The following PCDHGA5 variants were observed in gnomAD, a reference collection of about 807,000 sequenced individuals.
PCDHGA5 encodes protocadherin gamma subfamily A, 5, also known as protocadherin gamma-A5.
In PCDHGA5, 36 loss-of-function variants were observed where a neutral mutation model predicts 56.7. The observed-to-expected ratio is 0.64, with a 90% confidence interval of 0.49 to 0.84. The LOEUF (loss-of-function observed/expected upper bound fraction) is 0.84, where lower values mean the gene tolerates loss of function less well. Ranked by LOEUF, PCDHGA5 falls within the 40% of genes least tolerant of loss-of-function variation. The pLI is 0.00. For missense variants in PCDHGA5, 1,305 were observed against 1,201.5 expected (o/e 1.09, Z -1.27); for synonymous variants, 563 against 520.2 (o/e 1.08, Z -1.12).
intron 1 of PCDHGA5, chr5:141,400,435 A>G (rs2094019562): frequency 6.2e-7 from 1 of 1,614,078 alleles, no homozygotes. Flanking sequence ...TGAGCAATTG[A>G]GTTCAGGACA....
chr5:141,364,757 A>G lies in PCDHGA5; in HGVS notation c.427A>G (p.Asn143Asp). The change falls in exon 1 of 4, where the codon AAT (asparagine) becomes GAT (aspartate). Residue 143 changes from asparagine to aspartate, a missense_variant. Transcript: ENST00000518069. Reference protein sequence around the residue: ...FRDEELKVKVNENAAAGTRLV... With the variant: ...FRDEELKVKVDENAAAGTRLV... The stretch of plus-strand genomic sequence containing the variant: ...GGATGAAGAGTTAAAAGTAAAAGTT[A>G]ATGAAAATGCGGCTGCAGGGACACG... 4 of 1,613,960 alleles carry G rather than the reference A, an allele frequency of 2.5e-6. No individual in the cohort carries two copies. The highest frequency in any genetic ancestry group is 3.4e-6 in the Non-Finnish European group (4 of 1,179,874).
chr5:141,387,779 G>T, intron 1 of PCDHGA5: 1 of 1,458,032 alleles, frequency 6.9e-7, no homozygotes, highest in Admixed American at 2.6e-5. Flanking sequence ...TTCTTGAACT[G>T]GAACTGCAAC....
chr5:141,459,574 T>G (rs1163443021), intron 1 of PCDHGA5, among the ~76,000 whole-genome samples: 6 of 152,226 alleles, frequency 3.9e-5, no homozygotes, highest in African/African-American at 1.4e-4. Flanking sequence ...AAAACAGAAT[T>G]GTTTTGGGGG....
At chr5:141,502,782 T>C (rs1200280465) in intron 2 of PCDHGA5, among the ~76,000 whole-genome samples, 1 of 152,132 alleles carries the variant, frequency 6.6e-6, no homozygotes, top group African/African-American at 2.4e-5. Context: ...GAAAATTACC[T>C]GGATGATTTC....
At position 141,486,960 on chromosome 5, in the gene PCDHGA5, T is replaced by C; in HGVS notation, c.2422-7847T>C. On this transcript the variant is annotated intron_variant, in intron 1 of 3. Transcript: ENST00000518069. The surrounding 1 kb of genome is among the most constrained non-coding windows in gnomAD (Gnocchi z 5.0). Reference sequence around the variant, plus strand: ...CACCTAATCACAAAGGTGACTGCTGTGGACTTGGATTCAGGTTACAATGCT... The same window carrying C: ...CACCTAATCACAAAGGTGACTGCTGCGGACTTGGATTCAGGTTACAATGCT... The C allele has an allele frequency of 6.2e-7, 1 of 1,614,228 alleles. No individual in the cohort carries two copies. Among genetic ancestry groups the C allele is most frequent in the Non-Finnish European group, 8.5e-7 (1 of 1,180,034 alleles).
chr5:141,487,340 G>A lies in PCDHGA5; in HGVS notation c.2422-7467G>A, dbSNP rs2099643329. 6.2e-7 allele frequency: 1 copy of A among 1,614,182 alleles called. No individual in the cohort carries two copies. Among genetic ancestry groups the A allele is most frequent in the Admixed American group, 1.7e-5 (1 of 60,024 alleles). The stretch of plus-strand genomic sequence containing the variant: ...GTGTCTTCGTGGGGCAGCCTGTGGA[G>A]TCACATGCTTTCCTGCTGGCACCTG... On this transcript the variant is annotated intron_variant, in intron 1 of 3. Coordinates refer to ENST00000518069, the MANE Select transcript of PCDHGA5 (RefSeq NM_018918.3). This position sits in a 1 kb window ranked among gnomAD's most constrained non-coding sequence, Gnocchi z 5.0.
intron 1 of PCDHGA5, chr5:141,418,478 G>A (rs777772131): frequency 1.2e-6 from 2 of 1,613,858 alleles, no homozygotes; most frequent in Non-Finnish European, 1.7e-6. Flanking sequence ...AACGCAGAGC[G>A]CTCACCACTT....
intron 1 of PCDHGA5, among the ~76,000 whole-genome samples, chr5:141,459,098 A>G (rs993134478): frequency 2.0e-5 from 3 of 152,206 alleles, no homozygotes; most frequent in African/African-American, 7.2e-5. Flanking sequence ...ATACAGTGCA[A>G]TGCATTTTGA....
chr5:141,473,362 C>G (rs2099320242), intron 1 of PCDHGA5, among the ~76,000 whole-genome samples: 1 of 152,166 alleles, frequency 6.6e-6, no homozygotes, highest in South Asian at 2.1e-4. Flanking sequence ...AAGTGGCCAC[C>G]AAAATAGCAT....
intron 1 of PCDHGA5, chr5:141,419,140 G>A (rs1359933027): frequency 1.2e-6 from 2 of 1,613,750 alleles, no homozygotes; most frequent in East Asian, 2.2e-5. Flanking sequence ...CCACAGACAG[G>A]GGCAAGCCTC....
intron 2 of PCDHGA5, among the ~76,000 whole-genome samples, chr5:141,501,528 A>G (rs1173385747): frequency 6.6e-6 from 1 of 151,978 alleles, no homozygotes; most frequent in Non-Finnish European, 1.5e-5. Context: ...GAAGCCCAGT[A>G]CGTTGTTGTG....
chr5:141,470,490 A>C (rs1193023083), intron 1 of PCDHGA5, among the ~76,000 whole-genome samples: 1 of 152,202 alleles, frequency 6.6e-6, no homozygotes, highest in African/African-American at 2.4e-5. Context: ...TCTGGGAATA[A>C]TATTAGGTAA....
In PCDHGA5 at chr5:141,394,790, G is replaced by A. The variant is rs776824024; in HGVS notation, c.2421+28039G>A. The A allele has an allele frequency of 2.4e-5, 39 of 1,613,718 alleles. No homozygotes were observed. The African/African-American group carries it at 3.2e-4, about 13-fold the overall frequency. ...AGCCCCCTCTCTCCGCCACTGTCAC[G>A]CTCACCGTAGCCGTGGCTGACAGCA... On this transcript the variant is annotated intron_variant, in intron 1 of 3. Transcript: ENST00000518069.
At position 141,375,547 on chromosome 5, in the gene PCDHGA5, C is replaced by T. The variant is rs1261585486; in HGVS notation, c.2421+8796C>T. ...ACGTGGACCAGAACGCCCAAGTCTC[C>T]TACTCACTGGCAGAAGACACCCTCC... is the stretch of plus-strand genomic sequence containing the variant. On this transcript the variant is annotated intron_variant, in intron 1 of 3. Coordinates refer to ENST00000518069, the MANE Select transcript of PCDHGA5 (RefSeq NM_018918.3). 6 of 1,613,922 alleles carry T rather than the reference C, an allele frequency of 3.7e-6. No individual in the cohort carries two copies. In the African/African-American group the frequency reaches 8.0e-5, roughly 22 times the overall value.
In PCDHGA5 at chr5:141,365,117, A is replaced by G. The variant is rs764671143; in HGVS notation, c.787A>G (p.Met263Val). The G allele has an allele frequency of 1.2e-6, 2 of 1,613,924 alleles. No individual in the cohort carries two copies. The highest frequency in any genetic ancestry group is 1.7e-6 in the Non-Finnish European group (2 of 1,179,880). The change falls in exon 1 of 4, where the codon ATG (methionine) becomes GTG (valine). Residue 263 changes from methionine to valine, a missense_variant. Physicochemically the swap from Met to Val is conservative, Grantham distance 21. Coordinates refer to ENST00000518069, the MANE Select transcript of PCDHGA5 (RefSeq NM_018918.3). ...ENIPVGTRLL[M>V]LTATDPDEGI... ...CATACCTGTGGGCACTCGGCTGCTCATGCTAACCGCCACGGATCCAGATGA... is the reference window on the plus strand; with the variant it reads ...CATACCTGTGGGCACTCGGCTGCTCGTGCTAACCGCCACGGATCCAGATGA...
chr5:141,375,244 G>T (rs527726605), intron 1 of PCDHGA5: 4 of 1,613,892 alleles, frequency 2.5e-6, no homozygotes, highest in Non-Finnish European at 3.4e-6. Context: ...GTTCCATCCC[G>T]AGAAGTCTCC....
chr5:141,475,486 T>G (rs576743657), intron 1 of PCDHGA5, among the ~76,000 whole-genome samples: 1 of 152,252 alleles, frequency 6.6e-6, no homozygotes, highest in Non-Finnish European at 1.5e-5. Flanking sequence ...TGGTAAGAGA[T>G]AAAACTGAAA....
At chr5:141,467,537 A>G (rs2154569542) in intron 1 of PCDHGA5, among the ~76,000 whole-genome samples, 1 of 152,192 alleles carries the variant, frequency 6.6e-6, no homozygotes, top group Non-Finnish European at 1.5e-5. Context: ...TGAGATATGG[A>G]TCTGATTATA....
intron 1 of PCDHGA5, chr5:141,422,893 C>T (rs1405800318): frequency 3.1e-6 from 5 of 1,614,128 alleles, no homozygotes; most frequent in Admixed American, 3.3e-5. Flanking sequence ...CGTGCTGGAC[C>T]AGAACGACAA....
Sources: gnomAD v4.1 joint callset for allele counts (sites outside exome capture counted in the v4.1 genomes callset) on GRCh38, gnomAD v4.1.1 for gene constraint, Gnocchi (gnomAD v3.1) non-coding constraint, MANE v1.5 for transcripts, NCBI Gene and HGNC (gene_info 2026-07-23, HGNC 2026-07-21) for gene names.